The following ANKHD1 variants were observed in gnomAD, a reference collection of about 807,000 sequenced individuals.
ANKHD1 encodes ankyrin repeat and KH domain-containing protein 1.
In ANKHD1, 31 loss-of-function variants were observed where a neutral mutation model predicts 230.5. That is an observed-to-expected ratio of 0.13 (90% confidence interval 0.10 to 0.18). The LOEUF is 0.18. ANKHD1 is among the 10% of genes least tolerant of loss of function. The pLI is 1.00. For missense variants in ANKHD1, 2,256 were observed against 3,071.3 expected (o/e 0.73, Z 6.27); for synonymous variants, 1,074 against 1,117.6 (o/e 0.96, Z 0.78).
intron 3 of ANKHD1, among the ~76,000 whole-genome samples, chr5:140,439,390 G>A (rs1325718849): frequency 6.6e-6 from 1 of 152,120 alleles, no homozygotes; most frequent in Non-Finnish European, 1.5e-5. Context: ...AACACTAGAG[G>A]CCAGGCATGG....
intron 6 of ANKHD1, among the ~76,000 whole-genome samples, chr5:140,446,832 A>G (rs2126935423): frequency 6.6e-6 from 1 of 152,314 alleles, no homozygotes; most frequent in Admixed American, 6.5e-5. Context: ...CAGTTTTATA[A>G]TCTACTTATT....
At chr5:140,427,959 C>T (rs567515962) in intron 1 of ANKHD1, among the ~76,000 whole-genome samples, 4 of 148,990 alleles carry the variant, frequency 2.7e-5, no homozygotes, top group South Asian at 2.2e-4. Flanking sequence ...ACTTCTCAGA[C>T]GGGGCGGCCA....
chr5:140,505,934 C>G (rs1300553175), intron 18 of ANKHD1, 65 bp downstream of exon 18: 1 of 1,510,078 alleles, frequency 6.6e-7, no homozygotes, highest in Non-Finnish European at 8.8e-7. Flanking sequence ...GCATATGATT[C>G]GTATTTTAGC....
At chr5:140,453,975 C>A (rs369799817) in intron 7 of ANKHD1, among the ~76,000 whole-genome samples, 2 of 152,218 alleles carry the variant, frequency 1.3e-5, no homozygotes, top group African/African-American at 4.8e-5. Context: ...ACACATCTCA[C>A]GTGCAGAGAC....
At chr5:140,536,574 C>T (rs555882357) in intron 30 of ANKHD1, among the ~76,000 whole-genome samples, 18 of 152,220 alleles carry the variant, frequency 1.2e-4, no homozygotes, top group South Asian at 2.1e-4. Flanking sequence ...GAATCAAAAT[C>T]GTACAATGCT....
chr5:140,485,833 T>C lies in ANKHD1; in HGVS notation c.2142+101T>C, dbSNP rs1253873682. ...TTAAGCAAAATGGACTTGTTTTTAT[T>C]CTCTGTTACATATTGAGAAAATCAT... On this transcript the variant is annotated intron_variant, in intron 13 of 33. Transcript: ENST00000360839. This position sits in a 1 kb window ranked among gnomAD's most constrained non-coding sequence, Gnocchi z 4.8. 2 of 1,485,972 alleles carry C rather than the reference T, an allele frequency of 1.3e-6. No homozygotes were observed. Among genetic ancestry groups the C allele is most frequent in the African/African-American group, 2.9e-5 (2 of 69,832 alleles). The allele number at this position is 1,485,972 out of a possible 1,614,324, so 92.0% of individuals were successfully genotyped here.
In ANKHD1 at chr5:140,509,845, C is replaced by T. The variant is rs766656085; in HGVS notation, c.3941+33C>T. On this transcript the variant is annotated intron_variant, in intron 21 of 33. Coordinates refer to ENST00000360839, the MANE Select transcript of ANKHD1 (RefSeq NM_017747.3). ...CTTTTCTATTATATGTAGAACTTCT[C>T]ATGGTCATTTTCACTTTTCAGAGCT... is the stretch of plus-strand genomic sequence containing the variant. 1.6e-5 allele frequency: 26 copies of T among 1,582,664 alleles called. No homozygotes were observed. The South Asian group carries it at 2.0e-4, about 12-fold the overall frequency.
At chr5:140,469,014 C>T (rs1271722700) in intron 10 of ANKHD1, among the ~76,000 whole-genome samples, 1 of 152,074 alleles carries the variant, frequency 6.6e-6, no homozygotes, top group Non-Finnish European at 1.5e-5. Context: ...AATCCTGAAC[C>T]AGTGTACATC....
chr5:140,444,221 T>C (rs1171017326), intron 5 of ANKHD1, among the ~76,000 whole-genome samples: 2 of 151,900 alleles, frequency 1.3e-5, no homozygotes, highest in Non-Finnish European at 2.9e-5. Flanking sequence ...GACATTCTTC[T>C]CAAACCCCAC....
intron 20 of ANKHD1, 134 bp from the exon 21 acceptor site, chr5:140,509,503 G>A: frequency 4.7e-6 from 5 of 1,067,958 alleles, no homozygotes; most frequent in Non-Finnish European, 6.2e-6. Context: ...TTTTATGAGA[G>A]CTAATCAGAA....
chr5:140,436,890 A>G (rs560424031), intron 2 of ANKHD1, among the ~76,000 whole-genome samples: 1 of 152,342 alleles, frequency 6.6e-6, no homozygotes, highest in East Asian at 1.9e-4. Flanking sequence ...CATGTTGATT[A>G]CTTGTGTATT....
At chr5:140,503,552 T>C (rs1309012552) in intron 15 of ANKHD1, among the ~76,000 whole-genome samples, 1 of 131,084 alleles carries the variant, frequency 7.6e-6, no homozygotes. Context: ...CAGTTTTCTT[T>C]CTTTTTTTTT....
At position 140,537,171 on chromosome 5, in the gene ANKHD1, C is replaced by T. The variant is rs866698484; in HGVS notation, c.7028-218C>T. 5.4e-6 allele frequency: 4 copies of T among 739,422 alleles called. No individual in the cohort carries two copies. In the African/African-American group the frequency reaches 5.4e-5, roughly 10 times the overall value. The allele number at this position is 739,422 out of a possible 1,614,324, so 45.8% of individuals were successfully genotyped here. The stretch of plus-strand genomic sequence containing the variant: ...TTGTATACTTATTATAGGCAGAAAT[C>T]GTGTAGGATAATGTCTATAGAAATT... On this transcript the variant is annotated intron_variant, in intron 30 of 33. Coordinates refer to ENST00000360839, the MANE Select transcript of ANKHD1 (RefSeq NM_017747.3).
rs1373578193 is a variant in ANKHD1, at chr5:140,537,385, T to C, written c.7028-4T>C. ...TTCTTCGGGATCATCTTCACCTCTT[T>C]CAGCCACTTCTGCCCCACCAACGTT... On this transcript the variant is annotated splice_polypyrimidine_tract_variant and splice_region_variant and intron_variant, in intron 30 of 33. Transcript: ENST00000360839. 1.9e-6 allele frequency: 3 copies of C among 1,613,832 alleles called. No homozygotes were observed. The highest frequency in any genetic ancestry group is 2.2e-5 in the South Asian group (2 of 91,018).
chr5:140,481,919 A>C (rs1260220304), intron 10 of ANKHD1, among the ~76,000 whole-genome samples: 1 of 152,046 alleles, frequency 6.6e-6, no homozygotes, highest in Non-Finnish European at 1.5e-5. Context: ...CTCACCATAT[A>C]AGCAAGCTCC....
rs753994759 is a variant in ANKHD1, at chr5:140,537,666, GA to G, written c.7228+83del. 2.4e-5 allele frequency: 35 copies of G among 1,455,908 alleles called. No homozygotes were observed. The African/African-American group carries it at 5.0e-4, about 21-fold the overall frequency. 90.2% of individuals were successfully genotyped at this position (1,455,908 alleles called of 1,614,324 possible). A position where few individuals can be genotyped will look rare whatever the true frequency, so the allele number is the denominator to read the frequency against. ...TTTGCCATTAAAACTTAGTTCCTTAGAAAAAACAAACAAAAAAAACTTAGTT... is the reference window on the plus strand; with the variant it reads ...TTTGCCATTAAAACTTAGTTCCTTAGAAAAACAAACAAAAAAAACTTAGTT... On this transcript the variant is annotated intron_variant, in intron 31 of 33. Transcript: ENST00000360839.
rs939461915 is a variant in ANKHD1, at chr5:140,495,394, C to T, written c.2246-1126C>T. 4.6e-5 allele frequency among the ~76,000 whole-genome samples: 7 copies of T among 151,970 alleles called. No homozygotes were observed. The South Asian group carries it at 1.0e-3, about 23-fold the overall frequency. ...CTGAGTAGCTGGGACTACAGGCACC[C>T]GCCACCATGCCTGGCTGATTTTTTG... is the stretch of plus-strand genomic sequence containing the variant. On this transcript the variant is annotated intron_variant, in intron 14 of 33. Coordinates refer to ENST00000360839, the MANE Select transcript of ANKHD1 (RefSeq NM_017747.3).
intron 5 of ANKHD1, among the ~76,000 whole-genome samples, chr5:140,443,472 C>G (rs1333480989): frequency 6.6e-6 from 1 of 151,580 alleles, no homozygotes; most frequent in African/African-American, 2.4e-5. Flanking sequence ...GGGAGGATCA[C>G]GAGGTCAGGA....
chr5:140,451,994 A>G (rs1422909193), intron 7 of ANKHD1, among the ~76,000 whole-genome samples: 3 of 152,166 alleles, frequency 2.0e-5, no homozygotes, highest in South Asian at 2.1e-4. Context: ...GCTCCAGTCT[A>G]CAGCTCCCAG....
Sources: allele counts gnomAD v4.1 joint callset (sites outside exome capture counted in the v4.1 genomes callset), GRCh38; gene constraint gnomAD v4.1.1; non-coding constraint Gnocchi (gnomAD v3.1); transcripts MANE v1.5; gene names NCBI Gene and HGNC (gene_info 2026-07-23, HGNC 2026-07-21).